UGT1A10: variants seen among roughly 807,000 people sequenced by gnomAD.
The protein encoded by UGT1A10 is UDP glucuronosyltransferase family 1 member A10, also known as UDP-glucuronosyltransferase 1A10.
UGT1A10 carries 49 observed loss-of-function variants against 45.8 expected under a neutral mutation model. The observed-to-expected ratio is 1.07, with a 90% CI of 0.85 to 1.36. UGT1A10 has a LOEUF of 1.36. UGT1A10 is among the 40% of genes most tolerant of loss of function. The probability of loss-of-function intolerance (pLI) is 0.00; values close to 1 mark genes in which losing one functional copy is unlikely to be tolerated. For missense variants in UGT1A10, 745 were observed against 668.6 expected, an observed-to-expected ratio of 1.11 and a Z score of -1.26; for synonymous variants, 284 against 249.7, an observed-to-expected ratio of 1.14 and a Z score of -1.29.
At chr2:233,739,473 G>A (rs1691116225) in intron 1 of UGT1A10, among the ~76,000 whole-genome samples, 1 of 152,214 alleles carries the variant, frequency 6.6e-6, no homozygotes, top group African/African-American at 2.4e-5. Flanking sequence ...CTGAGACCGT[G>A]GGAGCCCATT....
At chr2:233,691,252 A>G in intron 1 of UGT1A10, 1 of 985,544 alleles carries the variant, frequency 1.0e-6, no homozygotes, top group South Asian at 4.7e-5. Context: ...ATGAACTCAA[A>G]GCAAGATGCT....
intron 1 of UGT1A10, among the ~76,000 whole-genome samples, chr2:233,649,804 A>G (rs2073695081): frequency 6.6e-6 from 1 of 151,968 alleles, no homozygotes; most frequent in Non-Finnish European, 1.5e-5. Flanking sequence ...CACCCAAAAA[A>G]CTGTTACCAT....
At chr2:233,672,166 T>C in intron 1 of UGT1A10, 1 of 1,614,190 alleles carries the variant, frequency 6.2e-7, no homozygotes, top group Non-Finnish European at 8.5e-7. Context: ...GAAGACTTAT[T>C]CAACTTCATA....
At chr2:233,679,429 G>C (rs1330863853) in intron 1 of UGT1A10, among the ~76,000 whole-genome samples, 1 of 152,196 alleles carries the variant, frequency 6.6e-6, no homozygotes, top group Non-Finnish European at 1.5e-5. Flanking sequence ...GATGAGGGCA[G>C]TCCTGACTGT....
At chr2:233,730,386 T>A (rs1243886406) in intron 1 of UGT1A10, among the ~76,000 whole-genome samples, 1 of 152,190 alleles carries the variant, frequency 6.6e-6, no homozygotes, top group East Asian at 1.9e-4. Flanking sequence ...GGAAAGATGA[T>A]GCAACAGTAA....
chr2:233,760,274 G>C (rs1697379637), intron 1 of UGT1A10: 1 of 1,612,450 alleles, frequency 6.2e-7, no homozygotes, highest in African/African-American at 1.3e-5. Context: ...ACCTCTGGCA[G>C]GAGCAAAGGC....
chr2:233,683,277 A>G (rs1244231884), intron 1 of UGT1A10, among the ~76,000 whole-genome samples: 1 of 152,152 alleles, frequency 6.6e-6, no homozygotes, highest in Non-Finnish European at 1.5e-5. Context: ...TCTTGTCAAT[A>G]AGTTAAAGAT....
intron 1 of UGT1A10, among the ~76,000 whole-genome samples, chr2:233,669,357 C>G (rs148869478): frequency 1.7e-4 from 26 of 152,092 alleles, no homozygotes; most frequent in Middle Eastern, 3.4e-3. Flanking sequence ...AAAAGATAGC[C>G]TGCTGGAATT....
chr2:233,689,862 A>T, intron 1 of UGT1A10: 1 of 456,210 alleles, frequency 2.2e-6, no homozygotes, highest in Non-Finnish European at 4.4e-6. Context: ...GGCTACTATT[A>T]CCTTCTTGCT....
At chr2:233,665,304 G>T (rs955944446) in intron 1 of UGT1A10, among the ~76,000 whole-genome samples, 1 of 152,076 alleles carries the variant, frequency 6.6e-6, no homozygotes, top group Admixed American at 6.6e-5. Context: ...TTCCAAATTT[G>T]TCTTTTTGCA....
chr2:233,679,313 C>A (rs1461081979), intron 1 of UGT1A10, among the ~76,000 whole-genome samples: 2 of 152,196 alleles, frequency 1.3e-5, no homozygotes, highest in African/African-American at 4.8e-5. Flanking sequence ...TGGAACCAAT[C>A]CAGAAAACGC....
At chr2:233,645,565 A>C (rs1487642268) in intron 1 of UGT1A10, among the ~76,000 whole-genome samples, 1 of 152,214 alleles carries the variant, frequency 6.6e-6, no homozygotes, top group African/African-American at 2.4e-5. Context: ...CACCATTCCA[A>C]CTGGGAAAAA....
At chr2:233,723,922 G>A (rs1482507868) in intron 1 of UGT1A10, among the ~76,000 whole-genome samples, 1 of 49,060 alleles carries the variant, frequency 2.0e-5, no homozygotes, top group Non-Finnish European at 3.5e-5. Flanking sequence ...AGTCTCCCAT[G>A]TCTACTTCTT....
chr2:233,680,788 G>A (rs1300434869), intron 1 of UGT1A10, among the ~76,000 whole-genome samples: 1 of 152,150 alleles, frequency 6.6e-6, no homozygotes, highest in East Asian at 1.9e-4. Flanking sequence ...TGATTGGGGT[G>A]GGCCCATAGC....
chr2:233,682,021 G>A (rs1175054250), intron 1 of UGT1A10: 23 of 1,614,032 alleles, frequency 1.4e-5, no homozygotes, highest in Non-Finnish European at 1.9e-5. Context: ...CAGGGAAGCT[G>A]CTGGTAGTGC....
chr2:233,670,563 A>C (rs17864683), intron 1 of UGT1A10, among the ~76,000 whole-genome samples: 1 of 152,130 alleles, frequency 6.6e-6, no homozygotes, highest in African/African-American at 2.4e-5. Flanking sequence ...GGCTTCTTCT[A>C]TGTCTTCTTT....
intron 1 of UGT1A10, chr2:233,761,042 C>G: frequency 6.2e-7 from 1 of 1,614,180 alleles, no homozygotes; most frequent in Non-Finnish European, 8.5e-7. Flanking sequence ...AGCTCTGCAT[C>G]TGTCTGGCTG....
intron 1 of UGT1A10, among the ~76,000 whole-genome samples, chr2:233,688,751 A>G (rs969172719): frequency 1.3e-5 from 2 of 152,216 alleles, no homozygotes; most frequent in Admixed American, 6.5e-5. Flanking sequence ...TATGGCCATA[A>G]TCAAATGAAC....
In UGT1A10 at chr2:233,713,691, C is replaced by T; in HGVS notation, c.856-53343C>T. On this transcript the variant is annotated intron_variant, in intron 1 of 4. Transcript: ENST00000344644. ...TGCTGTTTCTGCTCCTTATGCAAGC[C>T]TTGCCTCTGAGCTTTTTCAGAGAGA... The T allele has an allele frequency of 3.1e-6, 5 of 1,613,942 alleles. 1 individual carries two copies. The South Asian group carries it at 5.5e-5, about 18-fold the overall frequency.
Sources: allele counts gnomAD v4.1 joint callset (sites outside exome capture counted in the v4.1 genomes callset), GRCh38; gene constraint gnomAD v4.1.1; transcripts MANE v1.5; gene names NCBI Gene and HGNC (gene_info 2026-07-23, HGNC 2026-07-21).